The following CBX5 variants were observed in gnomAD, a reference collection of about 807,000 sequenced individuals.
The protein encoded by CBX5 is chromobox protein homolog 5.
In CBX5, 7 loss-of-function variants were observed where a neutral mutation model predicts 20.7. The ratio of observed to expected loss-of-function variants is 0.34; its 90% CI spans 0.19 to 0.63. The LOEUF (loss-of-function observed/expected upper bound fraction) is 0.63. CBX5 is among the 30% of genes least tolerant of loss of function. The probability of loss-of-function intolerance (pLI) is 0.75; values close to 1 mark genes in which losing one functional copy is unlikely to be tolerated. For missense variants in CBX5, 110 were observed against 224.1 expected (o/e 0.49, Z 3.25); for synonymous variants, 78 against 77.0 (o/e 1.01, Z -0.07).
At chr12:54,276,202 T>C (rs1944065587) in intron 1 of CBX5, among the ~76,000 whole-genome samples, 1 of 152,176 alleles carries the variant, frequency 6.6e-6, no homozygotes, top group Admixed American at 6.5e-5. Flanking sequence ...CTGCTTAATC[T>C]GTTTACATAG....
intron 1 of CBX5, chr12:54,258,198 C>T (rs1943881431): frequency 6.6e-6 from 1 of 152,310 alleles, no homozygotes; most frequent in Non-Finnish European, 1.5e-5. Flanking sequence ...TGCTTAGGCA[C>T]CTTTCACCAC....
At chr12:54,271,272 A>G (rs1023401460) in intron 1 of CBX5, among the ~76,000 whole-genome samples, 1 of 152,176 alleles carries the variant, frequency 6.6e-6, no homozygotes, top group Non-Finnish European at 1.5e-5. Context: ...TGTTTTATCA[A>G]TTACTGAGAG....
rs372718719 is a variant in CBX5 at position 54,245,905 on chromosome 12, G to A, written c.425+210C>T. Among the ~76,000 whole-genome samples the A allele has an allele frequency of 1.2e-4, 19 of 152,328 alleles. 1 individual carries two copies. The highest frequency in any genetic ancestry group is 4.6e-4 in the African/African-American group (19 of 41,556). On this transcript the variant is annotated intron_variant, in intron 4 of 4. Transcript: ENST00000209875. ...AGACAGGAGAATCACTTGAACCCAG[G>A]AGGCGGAGGCTGCAGTGAGCTGAGT... is the stretch of plus-strand genomic sequence containing the variant.
At chr12:54,273,782 G>A (rs576842156) in intron 1 of CBX5, 2 of 152,272 alleles carry the variant, frequency 1.3e-5, no homozygotes, top group African/African-American at 4.8e-5. Flanking sequence ...AGACTTCTGG[G>A]CTCCAAAATT....
chr12:54,249,648 T>C (rs1003471573), intron 3 of CBX5, among the ~76,000 whole-genome samples: 7 of 151,868 alleles, frequency 4.6e-5, no homozygotes, highest in African/African-American at 1.7e-4. Context: ...AACCTTGAAA[T>C]AAATAAAAGG....
chr12:54,249,162 A>T (rs1486208405), intron 3 of CBX5, among the ~76,000 whole-genome samples: 1 of 152,162 alleles, frequency 6.6e-6, no homozygotes, highest in East Asian at 1.9e-4. Context: ...CGAGGTCAGG[A>T]GATTGAGACC....
intron 3 of CBX5, among the ~76,000 whole-genome samples, chr12:54,250,858 G>A (rs531088779): frequency 6.0e-4 from 90 of 149,276 alleles, no homozygotes; most frequent in Non-Finnish European, 1.1e-3. Flanking sequence ...AGGGCCGGGC[G>A]CGGTGGCTCA....
At chr12:54,265,829 T>G (rs1316032881) in intron 1 of CBX5, among the ~76,000 whole-genome samples, 1 of 152,044 alleles carries the variant, frequency 6.6e-6, no homozygotes. Flanking sequence ...GATCGATCAC[T>G]TGACGTCAGG....
intron 1 of CBX5, among the ~76,000 whole-genome samples, chr12:54,268,085 A>G (rs1943974445): frequency 6.6e-6 from 1 of 152,184 alleles, no homozygotes; most frequent in Non-Finnish European, 1.5e-5. Context: ...CGGAGGTTAC[A>G]GTGAACCAAG....
intron 1 of CBX5, chr12:54,276,909 G>C (rs1328933864): frequency 6.6e-6 from 1 of 152,196 alleles, no homozygotes; most frequent in African/African-American, 2.4e-5. Context: ...CTAGAATCAA[G>C]TGAAAAAGAA....
intron 1 of CBX5, chr12:54,278,899 C>T (rs773980394): frequency 1.3e-5 from 2 of 152,068 alleles, no homozygotes; most frequent in Non-Finnish European, 2.9e-5. Context: ...TATGAAAGTT[C>T]CCGGGAGAAA....
At chr12:54,274,045 C>G (rs761846637) in intron 1 of CBX5, 1 of 152,188 alleles carries the variant, frequency 6.6e-6, no homozygotes, top group African/African-American at 2.4e-5. Context: ...ATTGGCAGAT[C>G]TGAGAAGAGA....
Position 54,240,906 on chromosome 12 carries a change from A to G in CBX5, c.*849T>C, listed in dbSNP as rs1238892593. On this transcript the variant is annotated 3_prime_UTR_variant, in exon 5 of 5. Transcript: ENST00000209875. ...ATACAGTCTAAATATGAGGAATGGA[A>G]AGAAATCATACATACATACCATATA... 6.6e-6 allele frequency: 1 copy of G among 152,202 alleles called. No individual in the cohort carries two copies. The highest frequency in any genetic ancestry group is 2.4e-5 in the African/African-American group (1 of 41,456). 9.4% of individuals were successfully genotyped at this position (152,202 alleles called of 1,614,324 possible).
At chr12:54,264,963 TAG>T (rs773191950) in intron 1 of CBX5, among the ~76,000 whole-genome samples, 2 of 152,226 alleles carry the variant, frequency 1.3e-5, no homozygotes, top group South Asian at 4.1e-4. Context: ...CTCTCCATTG[TAG>T]AGTTTCAACA....
At chr12:54,246,346 T>G in intron 3 of CBX5, 131 bp from the exon 4 acceptor site, 3 of 653,052 alleles carry the variant, frequency 4.6e-6, no homozygotes, top group South Asian at 3.8e-5. Flanking sequence ...TCAGAAAAAT[T>G]TTTAGAACTT....
chr12:54,262,192 C>T (rs963797223), intron 1 of CBX5, among the ~76,000 whole-genome samples: 5 of 152,148 alleles, frequency 3.3e-5, no homozygotes, highest in Admixed American at 1.3e-4. Flanking sequence ...CTAATAGTAA[C>T]TCTGTGAAGG....
chr12:54,269,057 G>A (rs1239562441), intron 1 of CBX5, among the ~76,000 whole-genome samples: 1 of 152,166 alleles, frequency 6.6e-6, no homozygotes, highest in Admixed American at 6.5e-5. Context: ...GGTCAGGAGA[G>A]AGACCATCCC....
At position 54,233,959 on chromosome 12, in the gene CBX5, G is replaced by A. The variant is rs1039589590; in HGVS notation, c.*7796C>T. On this transcript the variant is annotated 3_prime_UTR_variant, in exon 5 of 5. Coordinates refer to ENST00000209875, the MANE Select transcript of CBX5 (RefSeq NM_012117.3). ...GCACTTTGAGTGGCCGAGGCAGGCG[G>A]ATCACAAGGTCAGGAGTTCAAGACC... 2 of 151,994 alleles carry A rather than the reference G, an allele frequency of 1.3e-5. No individual in the cohort carries two copies. Among genetic ancestry groups the A allele is most frequent in the Non-Finnish European group, 2.9e-5 (2 of 68,092 alleles). 9.4% of individuals were successfully genotyped at this position (151,994 alleles called of 1,614,324 possible).
intron 1 of CBX5, among the ~76,000 whole-genome samples, chr12:54,268,433 AG>A (rs1444999006): frequency 6.6e-6 from 1 of 152,248 alleles, no homozygotes; most frequent in African/African-American, 2.4e-5. Context: ...TAAATGCTAA[AG>A]GGATGGGCAA....
Sources: gnomAD v4.1 joint callset for allele counts (sites outside exome capture counted in the v4.1 genomes callset) on GRCh38, gnomAD v4.1.1 for gene constraint, MANE v1.5 for transcripts, NCBI Gene and HGNC (gene_info 2026-07-23, HGNC 2026-07-21) for gene names.